The following OPCML variants were observed in gnomAD, a reference collection of about 807,000 sequenced individuals.
The protein encoded by OPCML is opioid-binding protein/cell adhesion molecule.
A neutral mutation model predicts 37.8 loss-of-function variants in OPCML; 13 were observed. That is an observed-to-expected ratio of 0.34 (90% CI 0.22 to 0.55). The LOEUF (loss-of-function observed/expected upper bound fraction) is 0.55, where lower values mean the gene tolerates loss of function less well. OPCML is among the 20% of genes least tolerant of loss of function. The pLI, the probability that OPCML is intolerant of heterozygous loss-of-function variation, is 0.91. For missense variants in OPCML, 341 were observed against 435.6 expected, an observed-to-expected ratio of 0.78 and a Z score of 1.93; for synonymous variants, 176 against 168.8, an observed-to-expected ratio of 1.04 and a Z score of -0.33.
chr11:133,048,647 G>C (rs1478457897), intron 1 of OPCML, among the ~76,000 whole-genome samples: 2 of 152,068 alleles, frequency 1.3e-5, no homozygotes, highest in African/African-American at 4.8e-5. Flanking sequence ...TTTTCTATGG[G>C]TTCATGGTTC....
At chr11:133,427,821 A>G (rs965963194) in intron 1 of OPCML, among the ~76,000 whole-genome samples, 1 of 152,192 alleles carries the variant, frequency 6.6e-6, no homozygotes, top group Non-Finnish European at 1.5e-5. Context: ...GTTTTTAACA[A>G]TAAATTCTGT....
chr11:133,316,766 G>A (rs1044609235), intron 1 of OPCML, among the ~76,000 whole-genome samples: 5 of 152,064 alleles, frequency 3.3e-5, no homozygotes, highest in Non-Finnish European at 7.4e-5. Context: ...ATATATGCGG[G>A]GATATTCAGC....
rs552402897 is a variant in OPCML, at chr11:133,433,897, G to A, written c.61+98367C>T. 3.3e-5 allele frequency among the ~76,000 whole-genome samples: 5 copies of A among 152,244 alleles called. No individual in the cohort carries two copies. In the South Asian group the frequency reaches 6.2e-4, roughly 19 times the overall value. On this transcript the variant is annotated intron_variant, in intron 1 of 7. Coordinates refer to ENST00000524381, the MANE Select transcript of OPCML (RefSeq NM_001012393.5). ...TCAAACTTGCACTCTAGGGAATGAG[G>A]CATCAGAAGCCATCCTAGGGCAGAA...
intron 1 of OPCML, among the ~76,000 whole-genome samples, chr11:133,138,167 C>G (rs934220335): frequency 2.0e-5 from 3 of 152,030 alleles, no homozygotes; most frequent in Admixed American, 2.0e-4. Context: ...GTGGTTCCTC[C>G]CCATGTTTGG....
At chr11:133,014,988 C>T (rs1428445349) in intron 1 of OPCML, among the ~76,000 whole-genome samples, 3 of 152,010 alleles carry the variant, frequency 2.0e-5, no homozygotes, top group Non-Finnish European at 2.9e-5. Context: ...GTCCAGCAAT[C>T]GAAATGGATG....
Position 132,667,746 on chromosome 11 carries a change from AG to A in OPCML, c.147-10428del, listed in dbSNP as rs1942285073. ...GAAGGTAAATGGAAGAACAGAAGAA[AG>A]GGGATGAAGGATGCAAAAAAGTGAA... On this transcript the variant is annotated intron_variant, in intron 2 of 7. Transcript: ENST00000524381. Among the ~76,000 whole-genome samples the A allele has an allele frequency of 2.0e-5, 3 of 152,214 alleles. No homozygotes were observed. In the South Asian group the frequency reaches 6.2e-4, roughly 32 times the overall value.
chr11:132,825,144 A>T (rs969946623), intron 2 of OPCML, among the ~76,000 whole-genome samples: 36 of 152,216 alleles, frequency 2.4e-4, no homozygotes, highest in African/African-American at 8.4e-4. Flanking sequence ...GAACCTCATG[A>T]TGGTAGTCAC....
chr11:132,780,267 C>T (rs1173948324), intron 2 of OPCML, among the ~76,000 whole-genome samples: 3 of 152,156 alleles, frequency 2.0e-5, no homozygotes, highest in African/African-American at 7.2e-5. Flanking sequence ...CCACACTGTA[C>T]GTGAGACACT....
chr11:132,514,699 G>A (rs906435150), intron 4 of OPCML, among the ~76,000 whole-genome samples: 5 of 152,148 alleles, frequency 3.3e-5, no homozygotes, highest in African/African-American at 9.7e-5. Flanking sequence ...TGCCTTCTGG[G>A]ACAGAAAATC....
intron 3 of OPCML, among the ~76,000 whole-genome samples, chr11:132,599,943 G>T (rs556351402): frequency 6.6e-6 from 1 of 152,040 alleles, no homozygotes; most frequent in African/African-American, 2.4e-5. Flanking sequence ...TTATGTAACC[G>T]AACAATCATT....
intron 2 of OPCML, among the ~76,000 whole-genome samples, chr11:132,913,100 C>G (rs888252775): frequency 1.3e-5 from 2 of 152,138 alleles, no homozygotes; most frequent in African/African-American, 4.8e-5. Flanking sequence ...TTTTTTCTGT[C>G]CTTTCTTTTA....
intron 1 of OPCML, among the ~76,000 whole-genome samples, chr11:133,234,701 A>C (rs1313786043): frequency 6.6e-6 from 1 of 152,214 alleles, no homozygotes. Context: ...CTTCTTCTCC[A>C]AGTTAAACCA....
intron 2 of OPCML, among the ~76,000 whole-genome samples, chr11:132,741,768 T>A (rs1440387142): frequency 6.6e-6 from 1 of 152,112 alleles, no homozygotes; most frequent in African/African-American, 2.4e-5. Context: ...GGCTCATGCA[T>A]GTAATCCCAG....
intron 3 of OPCML, among the ~76,000 whole-genome samples, chr11:132,640,383 G>C (rs928987827): frequency 6.6e-6 from 1 of 152,146 alleles, no homozygotes; most frequent in Admixed American, 6.5e-5. Context: ...AAGGGAGAAA[G>C]GATTGGTCAT....
intron 2 of OPCML, among the ~76,000 whole-genome samples, chr11:132,812,246 C>T (rs1939390283): frequency 6.6e-6 from 1 of 152,176 alleles, no homozygotes; most frequent in Non-Finnish European, 1.5e-5. Flanking sequence ...AAGACATTTA[C>T]ACTGCGCATT....
intron 1 of OPCML, among the ~76,000 whole-genome samples, chr11:133,102,861 T>G (rs1949106321): frequency 6.6e-6 from 1 of 152,180 alleles, no homozygotes; most frequent in Non-Finnish European, 1.5e-5. Flanking sequence ...AAATCTGAGA[T>G]CTCTCTAAAT....
At chr11:133,280,896 C>T (rs1009526490) in intron 1 of OPCML, among the ~76,000 whole-genome samples, 1 of 152,162 alleles carries the variant, frequency 6.6e-6, no homozygotes, top group African/African-American at 2.4e-5. Context: ...TTATCAAGAG[C>T]AATGAGAGAG....
rs140315617 is a variant in OPCML, at chr11:133,283,263, A to G, written c.61+249001T>C. Among the ~76,000 whole-genome samples the G allele has an allele frequency of 3.3e-3, 504 of 152,266 alleles. 1 individual carries two copies. The highest frequency in any genetic ancestry group is 5.5e-3 in the Non-Finnish European group (371 of 68,020). On this transcript the variant is annotated intron_variant, in intron 1 of 7. Transcript: ENST00000524381. ...TGGGATGCATTTCAGTCACGGGGGCAGATCCTGCATGAATGGTTTGGTGTC... is the reference window on the plus strand; with the variant it reads ...TGGGATGCATTTCAGTCACGGGGGCGGATCCTGCATGAATGGTTTGGTGTC...
At chr11:132,521,593 A>T (rs1290776954) in intron 4 of OPCML, among the ~76,000 whole-genome samples, 1 of 151,600 alleles carries the variant, frequency 6.6e-6, no homozygotes, top group Admixed American at 6.6e-5. Flanking sequence ...AACAATACAC[A>T]CTGGGGCTTG....
Sources: allele counts gnomAD v4.1 joint callset (sites outside exome capture counted in the v4.1 genomes callset), GRCh38; gene constraint gnomAD v4.1.1; transcripts MANE v1.5; gene names NCBI Gene and HGNC (gene_info 2026-07-23, HGNC 2026-07-21).